IQCM: variants seen among roughly 807,000 people sequenced by gnomAD.
The protein encoded by IQCM is IQ motif containing M.
Under a neutral mutation model 57.6 loss-of-function variants are expected in IQCM, and 45 were observed. That is an observed-to-expected ratio of 0.78 (90% confidence interval 0.62 to 1.00). The LOEUF (loss-of-function observed/expected upper bound fraction) is 1.00. Among genes scored for constraint, IQCM ranks in the 50% least tolerant of loss-of-function variants. IQCM has a pLI of 0.00. For missense variants in IQCM, 468 were observed against 511.6 expected (o/e 0.91, Z 0.82); for synonymous variants, 148 against 158.9 (o/e 0.93, Z 0.51).
chr4:149,554,530 G>A (rs891123787), intron 10 of IQCM, among the ~76,000 whole-genome samples: 2 of 151,752 alleles, frequency 1.3e-5, no homozygotes, highest in Non-Finnish European at 2.9e-5. Flanking sequence ...TAGCCAGGAT[G>A]GTCTCGATCT....
chr4:149,405,559 A>T (rs541714645), intron 13 of IQCM, among the ~76,000 whole-genome samples: 6 of 142,692 alleles, frequency 4.2e-5, no homozygotes, highest in South Asian at 4.3e-4. Context: ...AAAGTATAAT[A>T]AAAAAAAAAG....
At chr4:149,548,937 A>G (rs1748734294) in intron 11 of IQCM, among the ~76,000 whole-genome samples, 2 of 152,108 alleles carry the variant, frequency 1.3e-5, no homozygotes, top group African/African-American at 4.8e-5. Context: ...TTCACTCTTC[A>G]TTGTTTATTA....
chr4:149,659,179 T>G (rs1349526166), intron 7 of IQCM, among the ~76,000 whole-genome samples: 1 of 152,008 alleles, frequency 6.6e-6, no homozygotes, highest in Non-Finnish European at 1.5e-5. Flanking sequence ...TGTGTCTCTA[T>G]ACACCAATAA....
chr4:149,680,316 T>C (rs1027571953), intron 7 of IQCM, among the ~76,000 whole-genome samples: 1 of 151,378 alleles, frequency 6.6e-6, no homozygotes, highest in Non-Finnish European at 1.5e-5. Flanking sequence ...ACTAATAATC[T>C]CAACAATTTG....
intron 2 of IQCM, among the ~76,000 whole-genome samples, chr4:149,782,340 C>A (rs115137521): frequency 6.6e-6 from 1 of 151,794 alleles, no homozygotes; most frequent in South Asian, 2.1e-4. Flanking sequence ...AAGATTTTTC[C>A]CAAAATATTT....
intron 5 of IQCM, among the ~76,000 whole-genome samples, chr4:149,723,954 T>C (rs1049644470): frequency 1.3e-5 from 2 of 151,922 alleles, no homozygotes; most frequent in Admixed American, 6.6e-5. Flanking sequence ...TTTTTTAAAT[T>C]ACTGATTAAA....
intron 13 of IQCM, among the ~76,000 whole-genome samples, chr4:149,389,363 A>G (rs186684800): frequency 1.5e-3 from 233 of 152,148 alleles, no homozygotes; most frequent in African/African-American, 5.3e-3. Flanking sequence ...CTTTATGCAA[A>G]TATCACAGTC....
chr4:149,368,510 T>G (rs1729997848), intron 13 of IQCM, among the ~76,000 whole-genome samples: 1 of 151,798 alleles, frequency 6.6e-6, no homozygotes, highest in Admixed American at 6.6e-5. Flanking sequence ...TCCTTCAGGT[T>G]CAATGATAAC....
chr4:149,493,097 G>A lies in IQCM; in HGVS notation c.1228+55358C>T, dbSNP rs111472159. 7.8e-3 allele frequency among the ~76,000 whole-genome samples: 1,189 copies of A among 152,170 alleles called. 22 individuals are homozygous for A. Among genetic ancestry groups the A allele is most frequent in the African/African-American group, 0.028 (1,147 of 41,536 alleles). On this transcript the variant is annotated intron_variant, in intron 12 of 13. Transcript: ENST00000636793. Reference sequence around the variant, plus strand: ...GGAATATCCACTCCTGGGGAAGTTGGTTAACCAGGATCACCCATGATCCCC... The same window carrying A: ...GGAATATCCACTCCTGGGGAAGTTGATTAACCAGGATCACCCATGATCCCC...
intron 8 of IQCM, among the ~76,000 whole-genome samples, chr4:149,603,765 T>G (rs2150038154): frequency 6.6e-6 from 1 of 152,098 alleles, no homozygotes; most frequent in East Asian, 1.9e-4. Context: ...AAGGACTGTA[T>G]GAGTCTTTGT....
At chr4:149,621,698 T>C (rs1448552498) in intron 7 of IQCM, among the ~76,000 whole-genome samples, 1 of 152,180 alleles carries the variant, frequency 6.6e-6, no homozygotes, top group Middle Eastern at 3.2e-3. Flanking sequence ...ATTAAATTAT[T>C]AAAAGTCTTT....
At chr4:149,815,569 T>C (rs951372363) in intron 1 of IQCM, 31 bp downstream of exon 1, 1 of 152,006 alleles carries the variant, frequency 6.6e-6, no homozygotes, top group African/African-American at 2.4e-5. Flanking sequence ...TTAATACTAC[T>C]TAAGCCAATT....
At chr4:149,486,211 G>T (rs868273142) in intron 12 of IQCM, among the ~76,000 whole-genome samples, 40 of 152,070 alleles carry the variant, frequency 2.6e-4, no homozygotes, top group South Asian at 8.3e-4. Context: ...AGGGCATCAA[G>T]TTCTTCCAGG....
intron 7 of IQCM, among the ~76,000 whole-genome samples, chr4:149,649,605 A>G (rs1166619130): frequency 6.6e-6 from 1 of 152,234 alleles, no homozygotes; most frequent in African/African-American, 2.4e-5. Flanking sequence ...CCTACCCATT[A>G]ACTGAAATAA....
intron 2 of IQCM, among the ~76,000 whole-genome samples, chr4:149,799,386 A>G (rs565314103): frequency 6.6e-6 from 1 of 151,952 alleles, no homozygotes; most frequent in African/African-American, 2.4e-5. Context: ...CCTGCATCAA[A>G]AAGAAGAAAA....
At chr4:149,705,019 A>G (rs1254789493) in intron 5 of IQCM, among the ~76,000 whole-genome samples, 1 of 151,634 alleles carries the variant, frequency 6.6e-6, no homozygotes, top group Non-Finnish European at 1.5e-5. Flanking sequence ...TAAGGCCTTC[A>G]GACTTGGACT....
At chr4:149,803,362 T>A (rs1773784850) in intron 2 of IQCM, among the ~76,000 whole-genome samples, 1 of 152,038 alleles carries the variant, frequency 6.6e-6, no homozygotes, top group Non-Finnish European at 1.5e-5. Flanking sequence ...CAGTTCTTAC[T>A]CTGCTCCTTT....
intron 4 of IQCM, among the ~76,000 whole-genome samples, 191 bp from the exon 5 acceptor site, chr4:149,733,699 TA>T (rs1766676183): frequency 1.3e-5 from 2 of 152,252 alleles, no homozygotes; most frequent in South Asian, 2.1e-4. Context: ...AATCAGATGT[TA>T]TTCTATGTCA....
intron 13 of IQCM, among the ~76,000 whole-genome samples, chr4:149,369,004 A>G (rs1179485663): frequency 1.3e-5 from 1 of 77,312 alleles, no homozygotes. Context: ...ATATATATAT[A>G]TATACACGTG....
Sources: gnomAD v4.1 joint callset for allele counts (sites outside exome capture counted in the v4.1 genomes callset) on GRCh38, gnomAD v4.1.1 for gene constraint, MANE v1.5 for transcripts, NCBI Gene and HGNC (gene_info 2026-07-23, HGNC 2026-07-21) for gene names.